SYT9: variants seen among roughly 807,000 people sequenced by gnomAD.
The protein encoded by SYT9 is synaptotagmin 9, also known as synaptotagmin-9.
SYT9 carries 22 observed loss-of-function variants against 48.4 expected under a neutral mutation model. The observed-to-expected ratio is 0.45, with a 90% confidence interval of 0.32 to 0.65. The LOEUF (loss-of-function observed/expected upper bound fraction) is 0.65, where lower values mean the gene tolerates loss of function less well. SYT9 is among the 30% of genes least tolerant of loss of function. The probability of loss-of-function intolerance (pLI) is 0.03; values close to 1 mark genes in which losing one functional copy is unlikely to be tolerated. For synonymous variants in SYT9, 265 were observed against 245.0 expected, an observed-to-expected ratio of 1.08 and a Z score of -0.76; for missense variants, 577 against 622.0, an observed-to-expected ratio of 0.93 and a Z score of 0.77.
chr11:7,358,853 A>AT (rs547144942), intron 3 of SYT9, among the ~76,000 whole-genome samples: 4 of 151,286 alleles, frequency 2.6e-5, no homozygotes, highest in South Asian at 2.1e-4. Flanking sequence ...ATTTCTTCAG[A>AT]TTTTTTTTTA....
intron 3 of SYT9, among the ~76,000 whole-genome samples, chr11:7,379,069 G>A (rs1354108423): frequency 6.6e-6 from 1 of 152,078 alleles, no homozygotes; most frequent in Non-Finnish European, 1.5e-5. Flanking sequence ...AGTATTGGTA[G>A]ATTTGTAAAA....
chr11:7,244,370 C>A (rs1847771212), intron 1 of SYT9, among the ~76,000 whole-genome samples: 1 of 152,148 alleles, frequency 6.6e-6, no homozygotes. Context: ...CAAAATAGAG[C>A]TGCTCAATTC....
chr11:7,324,154 A>G (rs540482911), intron 3 of SYT9, among the ~76,000 whole-genome samples: 1 of 151,980 alleles, frequency 6.6e-6, no homozygotes, highest in African/African-American at 2.4e-5. Context: ...GATTTTGGTG[A>G]TTTAGATTTT....
chr11:7,358,125 C>T (rs746405295), intron 3 of SYT9, among the ~76,000 whole-genome samples: 8 of 151,702 alleles, frequency 5.3e-5, no homozygotes, highest in East Asian at 1.9e-4. Context: ...ACTGCGAAGA[C>T]GAAAATGGTA....
chr11:7,317,739 C>A (rs978755819), intron 3 of SYT9, among the ~76,000 whole-genome samples: 12 of 152,184 alleles, frequency 7.9e-5, no homozygotes, highest in African/African-American at 2.7e-4. Flanking sequence ...CAATAATATG[C>A]ACTGTATGCT....
intron 6 of SYT9, chr11:7,454,366 C>T: frequency 1.1e-6 from 1 of 933,518 alleles, no homozygotes; most frequent in African/African-American, 1.8e-5. Context: ...CTACAGCCAT[C>T]TTTAGAGGCC....
At chr11:7,256,362 A>G (rs922510740) in intron 1 of SYT9, among the ~76,000 whole-genome samples, 2 of 152,186 alleles carry the variant, frequency 1.3e-5, no homozygotes, top group Admixed American at 1.3e-4. Context: ...CCCACTGAAT[A>G]TGAATCTGTA....
intron 3 of SYT9, among the ~76,000 whole-genome samples, chr11:7,367,375 C>T (rs982628052): frequency 1.1e-4 from 16 of 152,078 alleles, no homozygotes; most frequent in African/African-American, 3.6e-4. Flanking sequence ...GCCACCGCGC[C>T]CGGCCTTCCA....
At chr11:7,308,415 G>T (rs1490837460) in intron 2 of SYT9, among the ~76,000 whole-genome samples, 1 of 152,146 alleles carries the variant, frequency 6.6e-6, no homozygotes, top group Non-Finnish European at 1.5e-5. Flanking sequence ...GATGGAAGGG[G>T]TGTTGGGGAT....
chr11:7,389,861 CA>C (rs1235094752), intron 3 of SYT9, among the ~76,000 whole-genome samples: 1 of 152,006 alleles, frequency 6.6e-6, no homozygotes, highest in African/African-American at 2.4e-5. Context: ...AGAATGGCAT[CA>C]AACATTTCAA....
chr11:7,397,862 T>C lies in SYT9; in HGVS notation c.1045-18180T>C, dbSNP rs181943973. Among the ~76,000 whole-genome samples the C allele has an allele frequency of 6.6e-4, 100 of 152,342 alleles. No homozygotes were observed. The East Asian group carries it at 0.017, about 25-fold the overall frequency. ...GGCTTTGTTGACTTTGCTAAACTTATTTGTTTTAGTAGCATTATTTATATT... is the reference window on the plus strand; with the variant it reads ...GGCTTTGTTGACTTTGCTAAACTTACTTGTTTTAGTAGCATTATTTATATT... On this transcript the variant is annotated intron_variant, in intron 3 of 6. Coordinates refer to ENST00000318881, the MANE Select transcript of SYT9 (RefSeq NM_175733.4).
At chr11:7,340,887 A>C (rs982361687) in intron 3 of SYT9, among the ~76,000 whole-genome samples, 1 of 152,194 alleles carries the variant, frequency 6.6e-6, no homozygotes, top group Non-Finnish European at 1.5e-5. Context: ...CCACATAACA[A>C]ACACTCTGGC....
In SYT9 at chr11:7,384,085, CA is replaced by C. The variant is rs1381184157; in HGVS notation, c.1045-31956del. ...AGCCACACACACACACACACACACA[CA>C]CACACACCCTCACACCTTACTTCCC... On this transcript the variant is annotated intron_variant, in intron 3 of 6. Transcript: ENST00000318881. Among the ~76,000 whole-genome samples, 77 of 152,090 alleles carry C rather than the reference CA, an allele frequency of 5.1e-4. 1 individual carries two copies. The highest frequency in any genetic ancestry group is 2.3e-3 in the East Asian group (12 of 5,170).
rs1266303597 is a variant in SYT9, at chr11:7,420,572, C to A, written c.1404C>A (p.Asp468Glu). ...VGNEAERLGR[D>E]HWSEMLSYPR... ...ACGAGGCTGAGAGGCTGGGCAGAGACCACTGGAGTGAAATGTTGTCATATC... is the reference window on the plus strand; with the variant it reads ...ACGAGGCTGAGAGGCTGGGCAGAGAACACTGGAGTGAAATGTTGTCATATC... The change falls in exon 6 of 7, where the codon GAC becomes GAA. Residue 468 changes from aspartate (D) to glutamate (E), a missense_variant. Transcript: ENST00000318881. 1 of 1,614,064 alleles carries A rather than the reference C, an allele frequency of 6.2e-7. No individual in the cohort carries two copies. Among genetic ancestry groups the A allele is most frequent in the Admixed American group, 1.7e-5 (1 of 59,998 alleles).
At chr11:7,352,823 G>T (rs1353035637) in intron 3 of SYT9, among the ~76,000 whole-genome samples, 1 of 152,186 alleles carries the variant, frequency 6.6e-6, no homozygotes. Context: ...AAGCCATTTG[G>T]TACTGGTCCC....
chr11:7,460,470 A>C (rs1158681794), intron 6 of SYT9, among the ~76,000 whole-genome samples: 1 of 152,134 alleles, frequency 6.6e-6, no homozygotes, highest in East Asian at 1.9e-4. Flanking sequence ...GATTATATTA[A>C]ACACTCCAAA....
rs60533502 is a variant in SYT9 at position 7,433,758 on chromosome 11, A to G, written c.1467+13123A>G. On this transcript the variant is annotated intron_variant, in intron 6 of 6. Coordinates refer to ENST00000318881, the MANE Select transcript of SYT9 (RefSeq NM_175733.4). ...ATGAGGCAGAGAGCTAGCACTCACC[A>G]GACACCAAATCAGCTAGCACCTTAT... Among the ~76,000 whole-genome samples the G allele has an allele frequency of 5.6e-3, 860 of 152,358 alleles. 2 individuals carry two copies. Among genetic ancestry groups the G allele is most frequent in the African/African-American group, 0.02 (821 of 41,582 alleles).
intron 1 of SYT9, among the ~76,000 whole-genome samples, chr11:7,287,904 A>T (rs1040624384): frequency 1.3e-5 from 2 of 152,120 alleles, no homozygotes; most frequent in Non-Finnish European, 2.9e-5. Context: ...TTATGTTTTT[A>T]TTGTTTCCTT....
intron 1 of SYT9, among the ~76,000 whole-genome samples, chr11:7,287,517 C>G (rs1433510811): frequency 6.6e-6 from 1 of 152,204 alleles, no homozygotes; most frequent in Non-Finnish European, 1.5e-5. Flanking sequence ...TACTTCTTCT[C>G]AAGACAACAT....
Sources: gnomAD v4.1 joint callset for allele counts (sites outside exome capture counted in the v4.1 genomes callset) on GRCh38, gnomAD v4.1.1 for gene constraint, MANE v1.5 for transcripts, NCBI Gene and HGNC (gene_info 2026-07-23, HGNC 2026-07-21) for gene names.